Variants in RALGAPA2 observed in about 807,000 individuals in gnomAD.
The protein encoded by RALGAPA2 is Ral GTPase activating protein catalytic subunit alpha 2.
Under a neutral mutation model 230.4 loss-of-function variants are expected in RALGAPA2, and 139 were observed. That is an observed-to-expected ratio of 0.60 (90% confidence interval 0.53 to 0.69). The LOEUF is 0.69. Among genes scored for constraint, RALGAPA2 ranks in the 30% least tolerant of loss-of-function variants. RALGAPA2 has a pLI of 0.00. For missense variants in RALGAPA2, 2,163 were observed against 2,276.0 expected, an observed-to-expected ratio of 0.95 and a Z score of 1.01; for synonymous variants, 847 against 837.8, an observed-to-expected ratio of 1.01 and a Z score of -0.19.
intron 10 of RALGAPA2, among the ~76,000 whole-genome samples, chr20:20,625,962 C>T (rs1435516828): frequency 1.3e-5 from 2 of 152,308 alleles, no homozygotes; most frequent in East Asian, 3.9e-4. Flanking sequence ...AGGTGACCCA[C>T]ACCAGGTGGT....
intron 38 of RALGAPA2, among the ~76,000 whole-genome samples, chr20:20,406,211 G>C (rs1043494984): frequency 3.3e-5 from 5 of 151,908 alleles, no homozygotes; most frequent in African/African-American, 1.2e-4. Context: ...TCACACCCCA[G>C]ACCAATAAAT....
At chr20:20,567,902 AAATAAAATAAAAT>A (rs2064494696) in intron 23 of RALGAPA2, among the ~76,000 whole-genome samples, 1 of 132,260 alleles carries the variant, frequency 7.6e-6, no homozygotes, top group Non-Finnish European at 1.6e-5. Flanking sequence ...AAATAAAATA[AAATAAAATAAAAT>A]AAAATAGGCC....
At chr20:20,537,103 T>A (rs1293217505) in intron 24 of RALGAPA2, among the ~76,000 whole-genome samples, 2 of 152,204 alleles carry the variant, frequency 1.3e-5, no homozygotes, top group African/African-American at 4.8e-5. Flanking sequence ...CAAAGCAGGG[T>A]AAAGGATATC....
rs1243060444 is a variant in RALGAPA2 at position 20,539,090 on chromosome 20, C to A, written c.3286-2306G>T. On this transcript the variant is annotated intron_variant, in intron 24 of 39. Transcript: ENST00000202677. Reference sequence around the variant, plus strand: ...ACACTATAATTTAACTGTTCTACTGCTGATGGGCATTTGGATTGGCTCTAG... The same window carrying A: ...ACACTATAATTTAACTGTTCTACTGATGATGGGCATTTGGATTGGCTCTAG... Among the ~76,000 whole-genome samples the A allele has an allele frequency of 2.0e-5, 3 of 152,156 alleles. No individual in the cohort carries two copies. The East Asian group carries it at 5.8e-4, about 29-fold the overall frequency.
chr20:20,405,072 C>T (rs943444191), intron 38 of RALGAPA2, among the ~76,000 whole-genome samples: 4 of 152,178 alleles, frequency 2.6e-5, no homozygotes, highest in African/African-American at 9.7e-5. Context: ...AGTTCTCAGA[C>T]ATTAGGCAAT....
chr20:20,560,572 A>G (rs75834698), intron 23 of RALGAPA2, among the ~76,000 whole-genome samples: 4,435 of 152,356 alleles, frequency 0.029, 87 homozygotes, highest in South Asian at 0.06. Context: ...CAAAAATTGC[A>G]ATTTAAAATG....
intron 1 of RALGAPA2, among the ~76,000 whole-genome samples, chr20:20,700,586 T>C (rs776645673): frequency 3.9e-5 from 6 of 152,204 alleles, no homozygotes; most frequent in Admixed American, 6.5e-5. Context: ...TCCAATTTTG[T>C]TCTCATGAAA....
intron 3 of RALGAPA2, among the ~76,000 whole-genome samples, chr20:20,666,597 A>G (rs1280563274): frequency 6.6e-6 from 1 of 152,212 alleles, no homozygotes; most frequent in Non-Finnish European, 1.5e-5. Flanking sequence ...ATGGCTGCAC[A>G]CTGGACAGCC....
intron 3 of RALGAPA2, among the ~76,000 whole-genome samples, chr20:20,665,571 A>G (rs1404496101): frequency 6.6e-6 from 1 of 152,264 alleles, no homozygotes; most frequent in Non-Finnish European, 1.5e-5. Flanking sequence ...AAATTTGCAT[A>G]TTAAACTATC....
At chr20:20,532,077 T>C (rs150614168) in intron 26 of RALGAPA2, among the ~76,000 whole-genome samples, 7 of 152,214 alleles carry the variant, frequency 4.6e-5, no homozygotes, top group Non-Finnish European at 7.3e-5. Context: ...CTTAGTTTTG[T>C]TGAAACTAAT....
At chr20:20,482,007 G>A (rs932281965) in intron 36 of RALGAPA2, among the ~76,000 whole-genome samples, 1 of 152,006 alleles carries the variant, frequency 6.6e-6, no homozygotes, top group Non-Finnish European at 1.5e-5. Context: ...AGAAATGTAA[G>A]GTATATTTCT....
chr20:20,447,571 C>T (rs1189414758), intron 37 of RALGAPA2, among the ~76,000 whole-genome samples: 1 of 151,988 alleles, frequency 6.6e-6, no homozygotes, highest in Non-Finnish European at 1.5e-5. Context: ...AACAAAGTTG[C>T]TATTCACATA....
chr20:20,672,662 C>T (rs2068176690), intron 3 of RALGAPA2, among the ~76,000 whole-genome samples: 1 of 152,002 alleles, frequency 6.6e-6, no homozygotes, highest in Non-Finnish European at 1.5e-5. Flanking sequence ...TAAAAGCAAG[C>T]TTAAGAAACA....
At chr20:20,606,882 T>C (rs1478866188) in intron 14 of RALGAPA2, among the ~76,000 whole-genome samples, 1 of 152,156 alleles carries the variant, frequency 6.6e-6, no homozygotes, top group East Asian at 1.9e-4. Context: ...TCACCATCCT[T>C]TAAAATTCAA....
At chr20:20,487,582 T>A (rs2061944200) in intron 36 of RALGAPA2, among the ~76,000 whole-genome samples, 1 of 152,136 alleles carries the variant, frequency 6.6e-6, no homozygotes, top group Non-Finnish European at 1.5e-5. Flanking sequence ...ATTAAGTGTT[T>A]CCGTTCCCCC....
At chr20:20,596,981 A>G (rs1461478110) in intron 16 of RALGAPA2, among the ~76,000 whole-genome samples, 1 of 152,226 alleles carries the variant, frequency 6.6e-6, no homozygotes, top group Non-Finnish European at 1.5e-5. Context: ...TCTAAATCAC[A>G]TTTAACTTCA....
At chr20:20,494,812 T>C (rs1189235665) in intron 36 of RALGAPA2, among the ~76,000 whole-genome samples, 1 of 152,230 alleles carries the variant, frequency 6.6e-6, no homozygotes, top group Non-Finnish European at 1.5e-5. Context: ...AATTTCAAGA[T>C]ACAATTTTTC....
At chr20:20,664,843 T>C (rs1242175167) in intron 3 of RALGAPA2, among the ~76,000 whole-genome samples, 7 of 152,188 alleles carry the variant, frequency 4.6e-5, no homozygotes, top group Non-Finnish European at 8.8e-5. Flanking sequence ...GAAAGCATTG[T>C]ACACCTGCAG....
At chr20:20,514,125 G>A (rs2062802788) in intron 31 of RALGAPA2, among the ~76,000 whole-genome samples, 1 of 151,244 alleles carries the variant, frequency 6.6e-6, no homozygotes, top group Admixed American at 6.6e-5. Context: ...CACACATCAT[G>A]GTATAGTAGG....
Sources: gnomAD v4.1 joint callset for allele counts (sites outside exome capture counted in the v4.1 genomes callset) on GRCh38, gnomAD v4.1.1 for gene constraint, MANE v1.5 for transcripts, NCBI Gene and HGNC (gene_info 2026-07-23, HGNC 2026-07-21) for gene names.